Variants in KLF12 observed in about 807,000 individuals in gnomAD.
KLF12 encodes Krueppel-like factor 12.
A neutral mutation model predicts 37.8 loss-of-function variants in KLF12; 9 were observed. The ratio of observed to expected loss-of-function variants is 0.24; its 90% CI spans 0.14 to 0.42. KLF12 has a LOEUF of 0.42. Among genes scored for constraint, KLF12 ranks in the 10% least tolerant of loss-of-function variants. The pLI, the probability that KLF12 is intolerant of heterozygous loss-of-function variation, is 1.00. For missense variants in KLF12, 411 were observed against 516.0 expected, an observed-to-expected ratio of 0.80 and a Z score of 1.97; for synonymous variants, 208 against 202.1, an observed-to-expected ratio of 1.03 and a Z score of -0.25.
chr13:74,202,325 C>A, the KLF12 span, among the ~76,000 whole-genome samples: 1 of 152,018 alleles, frequency 6.6e-6, no homozygotes, highest in Non-Finnish European at 1.5e-5. Flanking sequence ...GGACAGTATC[C>A]ACTTTATCTT....
At chr13:74,053,291 A>G (rs1423704173) in intron 1 of KLF12, among the ~76,000 whole-genome samples, 2 of 152,224 alleles carry the variant, frequency 1.3e-5, no homozygotes, top group Non-Finnish European at 2.9e-5. Context: ...TACTAAATAT[A>G]CATTCCTTGT....
chr13:73,782,666 G>C (rs555419940), intron 5 of KLF12, among the ~76,000 whole-genome samples: 1 of 152,332 alleles, frequency 6.6e-6, no homozygotes, highest in African/African-American at 2.4e-5. Context: ...TTTTGGAAAT[G>C]CAATGTTGAA....
At chr13:74,198,716 T>G in the KLF12 span, among the ~76,000 whole-genome samples, 1 of 152,110 alleles carries the variant, frequency 6.6e-6, no homozygotes, top group Non-Finnish European at 1.5e-5. Context: ...CCAGTATAGA[T>G]AGTTTGAGAA....
At chr13:73,830,791 A>T (rs889398704) in intron 4 of KLF12, among the ~76,000 whole-genome samples, 2 of 152,172 alleles carry the variant, frequency 1.3e-5, no homozygotes, top group Non-Finnish European at 2.9e-5. Context: ...CAGGGGCCAG[A>T]TATGTCTAAA....
At chr13:74,166,180 C>A in the KLF12 span, among the ~76,000 whole-genome samples, 14 of 146,226 alleles carry the variant, frequency 9.6e-5, no homozygotes, top group African/African-American at 3.5e-4. Flanking sequence ...GCAGCCTTGA[C>A]TTCCCAGGCT....
chr13:73,866,885 A>AGG (rs35667446), intron 3 of KLF12, among the ~76,000 whole-genome samples: 17 of 138,260 alleles, frequency 1.2e-4, no homozygotes, highest in East Asian at 5.2e-4. Context: ...TGGGGCAAAA[A>AGG]GGGGGGGGGG....
chr13:73,814,543 G>A (rs980150152), intron 4 of KLF12, among the ~76,000 whole-genome samples: 1 of 152,158 alleles, frequency 6.6e-6, no homozygotes, highest in Non-Finnish European at 1.5e-5. Flanking sequence ...TACATCTAGT[G>A]AACCTCGTGT....
At chr13:73,746,602 T>C (rs1275734242) in intron 6 of KLF12, among the ~76,000 whole-genome samples, 4 of 152,168 alleles carry the variant, frequency 2.6e-5, no homozygotes, top group African/African-American at 9.7e-5. Flanking sequence ...ATTACTATAC[T>C]GCCTGGCACC....
At chr13:73,709,763 G>C (rs1308292874) in intron 7 of KLF12, among the ~76,000 whole-genome samples, 1 of 152,192 alleles carries the variant, frequency 6.6e-6, no homozygotes, top group African/African-American at 2.4e-5. Flanking sequence ...ATTTAACTGT[G>C]AGGCAGAGAA....
intron 4 of KLF12, among the ~76,000 whole-genome samples, chr13:73,819,231 TCTC>T (rs1180719141): frequency 2.0e-5 from 3 of 152,130 alleles, no homozygotes; most frequent in Non-Finnish European, 4.4e-5. Context: ...TTCAGTTTCT[TCTC>T]CTGCTACTGC....
At chr13:73,701,185 C>T (rs1382623338) in intron 7 of KLF12, among the ~76,000 whole-genome samples, 6 of 152,152 alleles carry the variant, frequency 3.9e-5, no homozygotes, top group Non-Finnish European at 7.4e-5. Context: ...GAGTCAGACC[C>T]CTCCCAGGGC....
chr13:74,262,850 C>CAT, the KLF12 span, among the ~76,000 whole-genome samples: 302 of 151,786 alleles, frequency 2.0e-3, 1 homozygote, highest in African/African-American at 6.8e-3. Flanking sequence ...TGTATGTACA[C>CAT]ACATATATAT....
intron 6 of KLF12, among the ~76,000 whole-genome samples, chr13:73,753,728 A>G (rs898151582): frequency 1.3e-5 from 2 of 152,182 alleles, no homozygotes; most frequent in African/African-American, 4.8e-5. Context: ...TAAGTGACAT[A>G]GAACTTAAAT....
intron 2 of KLF12, among the ~76,000 whole-genome samples, chr13:73,945,370 G>A (rs1890375237): frequency 6.6e-6 from 1 of 152,046 alleles, no homozygotes; most frequent in South Asian, 2.1e-4. Context: ...TCGGGAGGCT[G>A]AGGCAAGAGA....
At chr13:73,818,653 C>G (rs1245320066) in intron 4 of KLF12, among the ~76,000 whole-genome samples, 1 of 152,236 alleles carries the variant, frequency 6.6e-6, no homozygotes, top group East Asian at 1.9e-4. Context: ...GTGTACGACA[C>G]AACAATCTAA....
At chr13:74,203,946 G>C in the KLF12 span, among the ~76,000 whole-genome samples, 3 of 151,994 alleles carry the variant, frequency 2.0e-5, no homozygotes, top group African/African-American at 7.2e-5. Context: ...GATGAAGAAA[G>C]ACCTTAAAAA....
chr13:73,809,369 A>G (rs1164456141), intron 5 of KLF12, among the ~76,000 whole-genome samples: 1 of 152,200 alleles, frequency 6.6e-6, no homozygotes, highest in Non-Finnish European at 1.5e-5. Flanking sequence ...ACGGAAAGAC[A>G]AACAGAAAAA....
intron 5 of KLF12, among the ~76,000 whole-genome samples, chr13:73,788,679 T>A (rs898383050): frequency 6.6e-6 from 1 of 152,218 alleles, no homozygotes; most frequent in Non-Finnish European, 1.5e-5. Context: ...GTTCCCTCCA[T>A]TAAACTGCTT....
At chr13:74,031,532 C>T (rs1893113590) in intron 1 of KLF12, among the ~76,000 whole-genome samples, 1 of 152,056 alleles carries the variant, frequency 6.6e-6, no homozygotes. Context: ...TAGGGCACTA[C>T]TTCAAATTTT....
Sources: allele counts gnomAD v4.1 joint callset (sites outside exome capture counted in the v4.1 genomes callset), GRCh38; gene constraint gnomAD v4.1.1; transcripts MANE v1.5; gene names NCBI Gene and HGNC (gene_info 2026-07-23, HGNC 2026-07-21).